The following CHRM3 variants were observed in gnomAD, a reference collection of about 807,000 sequenced individuals.
The protein encoded by CHRM3 is cholinergic receptor muscarinic 3.
In CHRM3, 11 loss-of-function variants were observed where a neutral mutation model predicts 41.8. The observed-to-expected ratio is 0.26, with a 90% CI of 0.17 to 0.44. CHRM3 has a LOEUF of 0.44. CHRM3 is among the 20% of genes least tolerant of loss of function. The pLI is 1.00. For missense variants in CHRM3, 571 were observed against 745.4 expected (o/e 0.77, Z 2.72); for synonymous variants, 297 against 301.4 (o/e 0.99, Z 0.15).
At position 239,651,949 on chromosome 1, in the gene CHRM3, CTG is replaced by C. The variant is rs1672277524; in HGVS notation, c.-250+19667_-250+19668del. On this transcript the variant is annotated intron_variant, in intron 4 of 6. Transcript: ENST00000676153. ...CCTTTCCCTGGCCTCTTAAGTATGG[CTG>C]TGTTTTACAAATGTCTGTATTTCGC... 1.3e-5 allele frequency among the ~76,000 whole-genome samples: 2 copies of C among 149,978 alleles called. 1 individual carries two copies. Among genetic ancestry groups the C allele is most frequent in the African/African-American group, 4.9e-5 (2 of 40,726 alleles).
intron 3 of CHRM3, among the ~76,000 whole-genome samples, chr1:239,576,590 A>ATG (rs200174348): frequency 1.2e-4 from 14 of 115,668 alleles, no homozygotes; most frequent in Admixed American, 3.0e-4. Flanking sequence ...ACACACACAC[A>ATG]CACGCACACA....
At chr1:239,805,034 A>G (rs1178292567) in intron 5 of CHRM3, among the ~76,000 whole-genome samples, 3 of 152,174 alleles carry the variant, frequency 2.0e-5, no homozygotes, top group Non-Finnish European at 4.4e-5. Flanking sequence ...TAACTCTTAC[A>G]TAATTTCCCT....
intron 4 of CHRM3, among the ~76,000 whole-genome samples, chr1:239,644,428 A>G (rs990842881): frequency 6.6e-6 from 1 of 152,138 alleles, no homozygotes; most frequent in African/African-American, 2.4e-5. Flanking sequence ...TGAAAGTCCA[A>G]ACAACTTCTC....
chr1:239,672,490 A>G (rs1459976758), intron 4 of CHRM3, among the ~76,000 whole-genome samples: 1 of 152,120 alleles, frequency 6.6e-6, no homozygotes, highest in Non-Finnish European at 1.5e-5. Flanking sequence ...GAGCACCCAG[A>G]TGGATAAGGA....
intron 3 of CHRM3, among the ~76,000 whole-genome samples, chr1:239,600,300 T>G (rs1665357036): frequency 6.6e-6 from 1 of 152,028 alleles, no homozygotes; most frequent in Non-Finnish European, 1.5e-5. Context: ...CTGCCCTCTT[T>G]CATCCTGTAT....
chr1:239,578,299 G>T (rs1538442), intron 3 of CHRM3, among the ~76,000 whole-genome samples: 124,417 of 152,110 alleles, frequency 0.82, 53,362 homozygotes, highest in Non-Finnish European at 0.93. Flanking sequence ...GCACATTTTT[G>T]TATTTTATAC....
At chr1:239,482,076 C>T (rs1172613037) in intron 1 of CHRM3, among the ~76,000 whole-genome samples, 10 of 151,718 alleles carry the variant, frequency 6.6e-5, no homozygotes, top group Non-Finnish European at 1.2e-4. Context: ...TTCATTTTCT[C>T]TTCTTTTATA....
intron 5 of CHRM3, among the ~76,000 whole-genome samples, chr1:239,773,077 C>T (rs1667819316): frequency 6.6e-6 from 1 of 152,116 alleles, no homozygotes. Flanking sequence ...GAGATTTTGA[C>T]ACTGAAATTT....
chr1:239,760,030 T>C (rs1442764404), intron 5 of CHRM3, among the ~76,000 whole-genome samples: 1 of 151,860 alleles, frequency 6.6e-6, no homozygotes. Context: ...TTCTCCTGCC[T>C]CAGCCTCCCG....
At position 239,793,803 on chromosome 1, in the gene CHRM3, A is replaced by ATTTTTTTTTTTTTTTTTTTTTTTT. The variant is rs67460907; in HGVS notation, c.-146-33447_-146-33424dup. Among the ~76,000 whole-genome samples the ATTTTTTTTTTTTTTTTTTTTTTTT allele has an allele frequency of 1.7e-4, 12 of 69,494 alleles. 1 individual carries two copies. The highest frequency in any genetic ancestry group is 7.4e-4 in the African/African-American group (12 of 16,148). The allele number at this position is 69,494 out of a possible 152,430, so 45.6% of individuals were successfully genotyped here. A position where few individuals can be genotyped will look rare whatever the true frequency, so the allele number is the denominator to read the frequency against. On this transcript the variant is annotated intron_variant, in intron 5 of 6. Coordinates refer to ENST00000676153, the MANE Select transcript of CHRM3 (RefSeq NM_001375978.1). ...TGAACTTGTCAGAAATGAAATGTGT[A>ATTTTTTTTTTTTTTTTTTTTTTTT]TTTTTTTTTTTTTTTTTTTTTTTTT...
intron 5 of CHRM3, among the ~76,000 whole-genome samples, chr1:239,737,116 A>T (rs1664458246): frequency 6.6e-6 from 1 of 152,144 alleles, no homozygotes. Context: ...TACTTCTCTA[A>T]TATATTACAC....
At chr1:239,428,935 A>G (rs1558216799) in intron 1 of CHRM3, among the ~76,000 whole-genome samples, 2 of 152,192 alleles carry the variant, frequency 1.3e-5, no homozygotes, top group Non-Finnish European at 2.9e-5. Context: ...TGTGCAGAAG[A>G]TGCAAGGTGA....
At chr1:239,652,873 A>T (rs1436382378) in intron 4 of CHRM3, among the ~76,000 whole-genome samples, 1 of 152,216 alleles carries the variant, frequency 6.6e-6, no homozygotes, top group African/African-American at 2.4e-5. Flanking sequence ...TTCATTGTTA[A>T]GAACTATTTT....
chr1:239,872,533 A>G (rs1235251922), intron 6 of CHRM3, among the ~76,000 whole-genome samples: 1 of 152,180 alleles, frequency 6.6e-6, no homozygotes, highest in Non-Finnish European at 1.5e-5. Context: ...ACTGAGCAAA[A>G]TTATCTATCC....
chr1:239,892,891 A>G (rs1678668888), intron 6 of CHRM3, among the ~76,000 whole-genome samples: 1 of 152,214 alleles, frequency 6.6e-6, no homozygotes, highest in South Asian at 2.1e-4. Flanking sequence ...TGACATATAG[A>G]TTTATTTGCA....
chr1:239,779,877 A>G (rs983714926), intron 5 of CHRM3, among the ~76,000 whole-genome samples: 3 of 152,246 alleles, frequency 2.0e-5, no homozygotes, highest in Non-Finnish European at 4.4e-5. Flanking sequence ...ATATACTTGT[A>G]ATCATGTAGT....
intron 1 of CHRM3, among the ~76,000 whole-genome samples, chr1:239,487,314 A>G (rs1667240961): frequency 6.6e-6 from 1 of 152,210 alleles, no homozygotes; most frequent in Non-Finnish European, 1.5e-5. Context: ...CAGATAATAT[A>G]GTCTTCAGTA....
At chr1:239,760,970 T>G (rs747188978) in intron 5 of CHRM3, among the ~76,000 whole-genome samples, 2 of 92,878 alleles carry the variant, frequency 2.2e-5, no homozygotes, top group Non-Finnish European at 5.1e-5. Context: ...TCTGTTTTCC[T>G]CTCCCCTCGC....
intron 1 of CHRM3, among the ~76,000 whole-genome samples, chr1:239,449,299 G>A (rs1341225848): frequency 6.6e-6 from 1 of 152,172 alleles, no homozygotes; most frequent in Non-Finnish European, 1.5e-5. Context: ...TTAACTCAAT[G>A]TAGGTATTTA....
Sources: allele counts gnomAD v4.1 joint callset (sites outside exome capture counted in the v4.1 genomes callset), GRCh38; gene constraint gnomAD v4.1.1; transcripts MANE v1.5; gene names NCBI Gene and HGNC (gene_info 2026-07-23, HGNC 2026-07-21).